GRIA4: variants seen among roughly 807,000 people sequenced by gnomAD.
GRIA4 encodes glutamate receptor 4.
In GRIA4, 34 loss-of-function variants were observed where a neutral mutation model predicts 104.0. The observed-to-expected ratio is 0.33, with a 90% CI of 0.25 to 0.44. GRIA4 has a LOEUF of 0.44. Ranked by LOEUF, GRIA4 falls within the 20% of genes least tolerant of loss-of-function variation. GRIA4 has a pLI of 1.00. For synonymous variants in GRIA4, 386 were observed against 381.9 expected (o/e 1.01, Z -0.13); for missense variants, 750 against 1,096.5 (o/e 0.68, Z 4.46).
chr11:105,962,251 A>T (rs1264325704), intron 14 of GRIA4, among the ~76,000 whole-genome samples: 1 of 152,148 alleles, frequency 6.6e-6, no homozygotes, highest in Non-Finnish European at 1.5e-5. Context: ...TAATTTAATG[A>T]TAAGTTATTT....
At chr11:105,735,948 G>A (rs1044389061) in intron 3 of GRIA4, among the ~76,000 whole-genome samples, 2 of 152,186 alleles carry the variant, frequency 1.3e-5, no homozygotes, top group African/African-American at 4.8e-5. Context: ...AAATTTAAGT[G>A]AAGAAGGGGC....
chr11:105,650,035 A>G (rs1206126909), intron 3 of GRIA4, among the ~76,000 whole-genome samples: 2 of 152,194 alleles, frequency 1.3e-5, no homozygotes, highest in Non-Finnish European at 2.9e-5. Context: ...CAACATGTGT[A>G]TAATATAATT....
intron 13 of GRIA4, among the ~76,000 whole-genome samples, chr11:105,929,355 T>C (rs545845708): frequency 1.3e-5 from 2 of 152,208 alleles, no homozygotes; most frequent in East Asian, 1.9e-4. Context: ...TATAATCAAC[T>C]GAAAAAAGAA....
intron 14 of GRIA4, among the ~76,000 whole-genome samples, 167 bp downstream of exon 14, chr11:105,934,136 T>A (rs531634487): frequency 6.9e-4 from 105 of 152,288 alleles, no homozygotes; most frequent in African/African-American, 1.7e-3. Flanking sequence ...TAATTTTTTT[T>A]AATTTTGGAA....
chr11:105,957,750 A>G (rs1290116899), intron 14 of GRIA4, among the ~76,000 whole-genome samples: 1 of 152,150 alleles, frequency 6.6e-6, no homozygotes, highest in East Asian at 1.9e-4. Context: ...TGAGCATGGA[A>G]TGTTCTTCCA....
chr11:105,938,804 T>C (rs903440932), intron 14 of GRIA4, among the ~76,000 whole-genome samples: 11 of 152,132 alleles, frequency 7.2e-5, no homozygotes, highest in African/African-American at 2.4e-4. Context: ...GTATTTTGCA[T>C]TTACAAACTA....
chr11:105,750,432 A>T (rs1939931272), intron 3 of GRIA4, among the ~76,000 whole-genome samples: 1 of 152,126 alleles, frequency 6.6e-6, no homozygotes, highest in South Asian at 2.1e-4. Flanking sequence ...CAAATTTATC[A>T]GCCTGAGACT....
intron 3 of GRIA4, among the ~76,000 whole-genome samples, chr11:105,681,849 C>G (rs979395680): frequency 5.3e-5 from 8 of 152,050 alleles, no homozygotes; most frequent in Admixed American, 3.3e-4. Context: ...CAAAACCAAC[C>G]TGGTCAACAT....
intron 5 of GRIA4, among the ~76,000 whole-genome samples, chr11:105,885,668 TC>T (rs1160520264): frequency 6.6e-6 from 1 of 152,230 alleles, no homozygotes; most frequent in East Asian, 1.9e-4. Context: ...AAAAATTCTG[TC>T]CCCTGTACAG....
intron 3 of GRIA4, among the ~76,000 whole-genome samples, chr11:105,624,625 T>C (rs1365029878): frequency 6.6e-6 from 1 of 152,144 alleles, no homozygotes; most frequent in Non-Finnish European, 1.5e-5. Context: ...AATCTTTAAC[T>C]ATGTATACAG....
Position 105,674,753 on chromosome 11 carries a change from A to G in GRIA4, c.247+62319A>G, listed in dbSNP as rs568739632. On this transcript the variant is annotated intron_variant, in intron 3 of 16. Transcript: ENST00000282499. ...CCTACTTCCCAAGGTTTAAAAGAGG[A>G]GCATTGCAAGAAGAAAATGGAATCT... Among the ~76,000 whole-genome samples, 12 of 152,040 alleles carry G rather than the reference A, an allele frequency of 7.9e-5. No individual in the cohort carries two copies. In the South Asian group the frequency reaches 2.5e-3, roughly 32 times the overall value.
chr11:105,880,303 G>A (rs1324479160), intron 5 of GRIA4, among the ~76,000 whole-genome samples: 1 of 152,212 alleles, frequency 6.6e-6, no homozygotes, highest in East Asian at 1.9e-4. Flanking sequence ...AAGGCTTGTA[G>A]ATGTAGAATT....
rs1318702218 is a variant in GRIA4 at position 105,911,806 on chromosome 11, A to ATATATATATATATATG, written c.1269+1264_1269+1265insATATATATATATGTAT. ...TATATATATATATATATATATATAT[A>ATATATATATATATATG]TATGTTTCTTTTCCTAAAAAAGACA... On this transcript the variant is annotated intron_variant, in intron 10 of 16. Transcript: ENST00000282499. The ATATATATATATATATG allele has an allele frequency of 1.5e-3, 431 of 285,530 alleles. 3 individuals carry two copies. The highest frequency in any genetic ancestry group is 2.9e-3 in the Admixed American group (55 of 18,872). 17.7% of individuals were successfully genotyped at this position (285,530 alleles called of 1,614,324 possible).
chr11:105,729,964 C>A (rs192530896), intron 3 of GRIA4, among the ~76,000 whole-genome samples: 1 of 152,086 alleles, frequency 6.6e-6, no homozygotes, highest in Non-Finnish European at 1.5e-5. Flanking sequence ...CTTAGAAAAC[C>A]GGCACAAGAC....
chr11:105,896,538 T>G (rs747691211), intron 6 of GRIA4, among the ~76,000 whole-genome samples: 8 of 152,120 alleles, frequency 5.3e-5, no homozygotes, highest in Non-Finnish European at 7.4e-5. Flanking sequence ...AGTTTTCTAG[T>G]AGGATTTTTG....
chr11:105,809,505 G>A (rs1191185566), intron 4 of GRIA4, among the ~76,000 whole-genome samples: 1 of 152,136 alleles, frequency 6.6e-6, no homozygotes, highest in Non-Finnish European at 1.5e-5. Context: ...ACATGTCAAA[G>A]GAGGGACTTG....
intron 4 of GRIA4, among the ~76,000 whole-genome samples, chr11:105,789,036 C>G (rs1224135593): frequency 6.6e-6 from 1 of 152,058 alleles, no homozygotes; most frequent in African/African-American, 2.4e-5. Context: ...GTTAGACATT[C>G]CTAGTGACAC....
At chr11:105,921,662 T>C (rs896003704) in intron 11 of GRIA4, among the ~76,000 whole-genome samples, 2 of 152,162 alleles carry the variant, frequency 1.3e-5, no homozygotes, top group Non-Finnish European at 2.9e-5. Flanking sequence ...TTTCTCTTCA[T>C]GTGTCTTTTT....
chr11:105,778,119 T>C (rs1941535260), intron 4 of GRIA4, among the ~76,000 whole-genome samples: 1 of 152,194 alleles, frequency 6.6e-6, no homozygotes, highest in Admixed American at 6.5e-5. Flanking sequence ...CTTTCCATTT[T>C]TATTCCAAAT....
Sources: allele counts gnomAD v4.1 joint callset (sites outside exome capture counted in the v4.1 genomes callset), GRCh38; gene constraint gnomAD v4.1.1; transcripts MANE v1.5; gene names NCBI Gene and HGNC (gene_info 2026-07-23, HGNC 2026-07-21).